The following MOGS variants were observed in gnomAD, a reference collection of about 807,000 sequenced individuals.
The protein encoded by MOGS is epididymis secretory sperm binding protein.
MOGS carries 45 observed loss-of-function variants against 68.5 expected under a neutral mutation model. The ratio of observed to expected loss-of-function variants is 0.66; its 90% CI spans 0.52 to 0.84. The LOEUF (loss-of-function observed/expected upper bound fraction) is 0.84. Ranked by LOEUF, MOGS falls within the 40% of genes least tolerant of loss-of-function variation. The pLI is 0.00. For missense variants in MOGS, 1,020 were observed against 1,095.0 expected (o/e 0.93, Z 0.97); for synonymous variants, 492 against 461.2 (o/e 1.07, Z -0.86).
rs1481563470 is a variant in MOGS, at chr2:74,462,420, G to C, written c.1369C>G (p.Leu457Val). Residue 457 changes from leucine (L) to valine (V), a missense_variant, in exon 4 of 4, where the codon CTG becomes GTG. By Grantham distance (32) the Leu-to-Val change is conservative. Around this residue, in one of 3 missense-constraint regions of MOGS, gnomAD observed 181 missense variants for 261.8 expected, o/e 0.69. Coordinates refer to ENST00000448666, the MANE Select transcript of MOGS (RefSeq NM_006302.3). ...GFLWDEGFHQ[L>V]VVQRWDPSLT... Reference sequence around the variant, plus strand: ...GAGGGATCCCACCGCTGAACCACCAGCTGGTGAAAGCCTTCATCCCAAAGG... The same window carrying C: ...GAGGGATCCCACCGCTGAACCACCACCTGGTGAAAGCCTTCATCCCAAAGG... The C allele has an allele frequency of 6.2e-7, 1 of 1,613,702 alleles. No homozygotes were observed. The highest frequency in any genetic ancestry group is 2.2e-5 in the East Asian group (1 of 44,884).
Position 74,461,653 on chromosome 2 carries a change from CA to C in MOGS, c.2135del (p.Leu712ArgfsTer5). Reference protein sequence around the residue: ...LDPTSSRLGPLLDILADSRHL... With the variant: ...LDPTSSRLGPXLDILADSRHL... ...GGCGGCTGTCGGCTAGAATGTCCAG[CA>C]GGGGCCCAAGGCGGGATGAGGTGGG... On this transcript the variant is annotated frameshift_variant, in exon 4 of 4. Coordinates refer to ENST00000448666, the MANE Select transcript of MOGS (RefSeq NM_006302.3). LOFTEE classifies it high-confidence loss of function. The C allele has an allele frequency of 1.2e-6, 2 of 1,614,182 alleles. No individual in the cohort carries two copies. The highest frequency in any genetic ancestry group is 1.7e-6 in the Non-Finnish European group (2 of 1,180,032).
chr2:74,464,790 C>A, intron 1 of MOGS, 68 bp from the exon 2 acceptor site: 1 of 1,560,798 alleles, frequency 6.4e-7, no homozygotes, highest in Non-Finnish European at 8.7e-7. Context: ...CGGGTCATCC[C>A]TCTTCATAAC....
At chr2:74,463,459 A>G in intron 2 of MOGS, 73 bp from the exon 3 acceptor site, 1 of 1,480,484 alleles carries the variant, frequency 6.8e-7, no homozygotes. Flanking sequence ...CTTGAGAATC[A>G]GCCTTAGTGA....
chr2:74,463,443 T>A, intron 2 of MOGS, 57 bp from the exon 3 acceptor site: 1 of 1,555,024 alleles, frequency 6.4e-7, no homozygotes, highest in Non-Finnish European at 8.9e-7. Context: ...CTCTCTTGAA[T>A]TCCCTCTTGA....
rs546147441 is a variant in MOGS, at chr2:74,462,167, A to T, written c.1622T>A (p.Leu541Gln). Residue 541 changes from leucine (L) to glutamine (Q), a missense_variant, in exon 4 of 4, where the codon CTG becomes CAG. Leu to Gln is a moderately radical substitution (Grantham distance 113). Around this residue, in one of 3 missense-constraint regions of MOGS, gnomAD observed 181 missense variants for 261.8 expected, o/e 0.69. Transcript: ENST00000448666. ...LAFLRKALPRLHAWFSWLHQS... is the reference protein window; with the variant it reads ...LAFLRKALPRQHAWFSWLHQS... ...ATGGAGCCAGGAAAACCAGGCATGC[A>T]GGCGGGGCAAGGCCTTTCGGAGGAA... 1 of 1,614,146 alleles carries T rather than the reference A, an allele frequency of 6.2e-7. No homozygotes were observed. The highest frequency in any genetic ancestry group is 1.3e-5 in the African/African-American group (1 of 75,060).
rs367819963 is a variant in MOGS, at chr2:74,464,529, C to T, written c.546G>A (p.Gly182=). ...CTACAGTCACTCTCCAGCTCCAGTCCCCTCCGTGCTGACCCCCAGGCCTCT... is the reference window on the plus strand; with the variant it reads ...CTACAGTCACTCTCCAGCTCCAGTCTCCTCCGTGCTGACCCCCAGGCCTCT... ...FVKRPGGQHG[G]DWSWRVTVEP... Residue 182 remains glycine (G), a synonymous_variant, in exon 2 of 4, where the codon GGG becomes GGA. Coordinates refer to ENST00000448666, the MANE Select transcript of MOGS (RefSeq NM_006302.3). 20 of 1,614,118 alleles carry T rather than the reference C, an allele frequency of 1.2e-5. No homozygotes were observed. The highest frequency in any genetic ancestry group is 1.7e-5 in the Non-Finnish European group (20 of 1,180,014).
intron 2 of MOGS, 184 bp downstream of exon 2, chr2:74,464,312 A>C: frequency 1.6e-6 from 1 of 617,324 alleles, no homozygotes; most frequent in East Asian, 2.8e-5. Context: ...TATTATCTAC[A>C]TTGTACATTT....
At position 74,461,711 on chromosome 2, in the gene MOGS, CTG is replaced by C; in HGVS notation, c.2076_2077del (p.Leu694PhefsTer52). The C allele has an allele frequency of 6.2e-7, 1 of 1,614,232 alleles. No homozygotes were observed. Among genetic ancestry groups the C allele is most frequent in the Non-Finnish European group, 8.5e-7 (1 of 1,180,042 alleles). ...CAGTCGCAGCAGCAAGGGAAAAAGACTGACATAGCCAAGAGCATCTACATACT... is the reference window on the plus strand; with the variant it reads ...CAGTCGCAGCAGCAAGGGAAAAAGACACATAGCCAAGAGCATCTACATACT... On this transcript the variant is annotated frameshift_variant, in exon 4 of 4. Transcript: ENST00000448666. LOFTEE classifies it high-confidence loss of function.
intron 2 of MOGS, chr2:74,463,747 T>C: frequency 9.6e-6 from 2 of 208,104 alleles, no homozygotes; most frequent in Non-Finnish European, 1.9e-5. Context: ...CACTGCAAGC[T>C]CCGCCTCCCA....
intron 3 of MOGS, 58 bp downstream of exon 3, chr2:74,463,132 T>G (rs1343866611): frequency 5.0e-6 from 8 of 1,610,842 alleles, no homozygotes; most frequent in Non-Finnish European, 6.8e-6. Flanking sequence ...ACATGGAGAC[T>G]GGTGAAAATG....
At position 74,461,139 on chromosome 2, in the gene MOGS, G is replaced by T; in HGVS notation, c.*136C>A. 2 of 964,546 alleles carry T rather than the reference G, an allele frequency of 2.1e-6. No individual in the cohort carries two copies. Among genetic ancestry groups the T allele is most frequent in the Non-Finnish European group, 3.2e-6 (2 of 625,100 alleles). The allele number at this position is 964,546 out of a possible 1,614,324, so 59.7% of individuals were successfully genotyped here. ...CACCCCAGGGCTATGTGGGATGACA[G>T]CAAGGAGACACCTGAGATGAAATGA... is the stretch of plus-strand genomic sequence containing the variant. On this transcript the variant is annotated 3_prime_UTR_variant, in exon 4 of 4. Transcript: ENST00000448666.
In MOGS at chr2:74,461,474, A is replaced by G. The variant is rs1671901975; in HGVS notation, c.2315T>C (p.Leu772Pro). 1 of 1,614,054 alleles carries G rather than the reference A, an allele frequency of 6.2e-7. No individual in the cohort carries two copies. Among genetic ancestry groups the G allele is most frequent in the African/African-American group, 1.3e-5 (1 of 74,940 alleles). ...AGCCCGAGCCTGGTGAGGACCCTCC[A>G]GATGCCCATAGTGGTGGAGTGCTCC... ...ALGALHHYGH[L>P]EGPHQARAAK... The change falls in exon 4 of 4, where the codon CTG becomes CCG. Residue 772 changes from leucine (L) to proline (P), a missense_variant. Leu to Pro is a moderately conservative substitution (Grantham distance 98, BLOSUM62 -3). Around this residue, in one of 3 missense-constraint regions of MOGS, gnomAD observed 270 missense variants for 261.3 expected, o/e 1.03. Coordinates refer to ENST00000448666, the MANE Select transcript of MOGS (RefSeq NM_006302.3).
chr2:74,463,647 A>C, intron 2 of MOGS: 1 of 300,498 alleles, frequency 3.3e-6, no homozygotes, highest in South Asian at 3.7e-5. Flanking sequence ...TACACAGTTG[A>C]TTTCATTTAA....
chr2:74,463,412 G>A (rs746524088), intron 2 of MOGS, 26 bp from the exon 3 acceptor site: 1 of 1,607,494 alleles, frequency 6.2e-7, no homozygotes, highest in Non-Finnish European at 8.5e-7. Flanking sequence ...GGACAGAAAA[G>A]AACAGTGTTA....
In MOGS at chr2:74,461,958, G is replaced by A; in HGVS notation, c.1831C>T (p.Leu611=). 1.2e-6 allele frequency: 2 copies of A among 1,614,130 alleles called. No homozygotes were observed. Among genetic ancestry groups the A allele is most frequent in the Non-Finnish European group, 1.7e-6 (2 of 1,180,026 alleles). Residue 611 remains leucine, a synonymous_variant, in exon 4 of 4, where the codon CTG becomes TTG. Coordinates refer to ENST00000448666, the MANE Select transcript of MOGS (RefSeq NM_006302.3). ...RCWVALGARV[L]TRLAEHLGEA... ...CCCAGATGCTCTGCCAGCCGCGTCA[G>A]CACACGGGCACCCAGTGCCACCCAA...
In MOGS at chr2:74,462,040, A is replaced by AC; in HGVS notation, c.1748_1749insG (p.Asp583GlufsTer2). The AC allele has an allele frequency of 6.2e-7, 1 of 1,614,208 alleles. No individual in the cohort carries two copies. Among genetic ancestry groups the AC allele is most frequent in the Non-Finnish European group, 8.5e-7 (1 of 1,180,020 alleles). ...AAGGGTGTGAAGCCCGGGGGTAGTCATCCAGCCCAGAGGGTAGGGTCTTGG... is the reference window on the plus strand; with the variant it reads ...AAGGGTGTGAAGCCCGGGGGTAGTCACTCCAGCCCAGAGGGTAGGGTCTTGG... On this transcript the variant is annotated frameshift_variant, in exon 4 of 4. Transcript: ENST00000448666. LOFTEE classifies it high-confidence loss of function.
At position 74,461,984 on chromosome 2, in the gene MOGS, C is replaced by T. The variant is rs372460563; in HGVS notation, c.1805G>A (p.Cys602Tyr). The stretch of plus-strand genomic sequence containing the variant: ...CACACGGGCACCCAGTGCCACCCAA[C>T]ATCGCAGGTCCAGGTGCCGCTCGGT... ...SVTERHLDLR[C>Y]WVALGARVLT... The change falls in exon 4 of 4, where the codon TGT becomes TAT. Residue 602 changes from cysteine to tyrosine, a missense_variant. By Grantham distance (194) the Cys-to-Tyr change is radical. Transcript: ENST00000448666. 3.2e-5 allele frequency: 52 copies of T among 1,614,100 alleles called. No homozygotes were observed. The highest frequency in any genetic ancestry group is 8.0e-5 in the African/African-American group (6 of 74,930).
At chr2:74,463,571 A>G in intron 2 of MOGS, 185 bp from the exon 3 acceptor site, 1 of 636,026 alleles carries the variant, frequency 1.6e-6, no homozygotes, top group South Asian at 1.8e-5. Context: ...TGAGATAAAG[A>G]GCCTTGCACT....
Position 74,464,956 on chromosome 2 carries a change from T to C in MOGS, c.292A>G (p.Thr98Ala), listed in dbSNP as rs757496688. 4 of 1,591,560 alleles carry C rather than the reference T, an allele frequency of 2.5e-6. No individual in the cohort carries two copies. In the Admixed American group the frequency reaches 7.0e-5, roughly 28 times the overall value. ...CCGAAGTAGACGTGAGGGCGGTAGG[T>C]TCCCCAGAAGAGGTCCGGGGCCACG... is the stretch of plus-strand genomic sequence containing the variant. Reference protein sequence around the residue: ...PAVAPDLFWGTYRPHVYFGMK... With the variant: ...PAVAPDLFWGAYRPHVYFGMK... Residue 98 changes from threonine to alanine, a missense_variant, in exon 1 of 4, where the codon ACC becomes GCC. By Grantham distance (58) the Thr-to-Ala change is moderately conservative (BLOSUM62 0). Transcript: ENST00000448666.
Sources: allele counts gnomAD v4.1 joint callset, GRCh38; gene constraint gnomAD v4.1.1; regional missense constraint gnomAD v4.1.1; transcripts MANE v1.5; gene names NCBI Gene and HGNC (gene_info 2026-07-23, HGNC 2026-07-21).